Variants in CADPS2 observed in about 807,000 individuals in gnomAD.
CADPS2 encodes calcium-dependent secretion activator 2.
CADPS2 carries 93 observed loss-of-function variants against 172.5 expected under a neutral mutation model. The observed-to-expected ratio is 0.54, with a 90% confidence interval of 0.46 to 0.64. CADPS2 has a LOEUF of 0.64. Ranked by LOEUF, CADPS2 falls within the 30% of genes least tolerant of loss-of-function variation. The pLI, the probability that CADPS2 is intolerant of heterozygous loss-of-function variation, is 0.00. For missense variants in CADPS2, 1,420 were observed against 1,565.9 expected (o/e 0.91, Z 1.57); for synonymous variants, 546 against 555.2 (o/e 0.98, Z 0.23).
At chr7:122,447,409 C>T (rs963059223) in intron 15 of CADPS2, among the ~76,000 whole-genome samples, 6 of 152,008 alleles carry the variant, frequency 3.9e-5, no homozygotes, top group East Asian at 1.9e-4. Context: ...ATTTAATCTA[C>T]GTTGAAGCAT....
chr7:122,473,960 T>C (rs1345514653), intron 13 of CADPS2, among the ~76,000 whole-genome samples: 1 of 152,218 alleles, frequency 6.6e-6, no homozygotes, highest in African/African-American at 2.4e-5. Context: ...CCACTTAGGT[T>C]GTCCTTCTAA....
intron 11 of CADPS2, among the ~76,000 whole-genome samples, chr7:122,486,514 T>C (rs1405621951): frequency 2.0e-5 from 3 of 152,166 alleles, no homozygotes; most frequent in African/African-American, 4.8e-5. Context: ...ATGATAAAAC[T>C]TGAACAGATA....
At chr7:122,733,915 G>C (rs997174776) in intron 2 of CADPS2, among the ~76,000 whole-genome samples, 1 of 152,028 alleles carries the variant, frequency 6.6e-6, no homozygotes, top group Non-Finnish European at 1.5e-5. Flanking sequence ...CACTCTAGTC[G>C]GGGTGACTGA....
chr7:122,332,922 T>C (rs533054872), intron 28 of CADPS2, among the ~76,000 whole-genome samples: 1 of 152,366 alleles, frequency 6.6e-6, no homozygotes, highest in East Asian at 1.9e-4. Context: ...AAGTTTATTC[T>C]GTGGCTCCTT....
intron 6 of CADPS2, among the ~76,000 whole-genome samples, chr7:122,588,470 CTTG>C (rs776903752): frequency 3.9e-5 from 6 of 151,964 alleles, no homozygotes; most frequent in Non-Finnish European, 8.8e-5. Flanking sequence ...TTCCCCATTG[CTTG>C]TTGTCAGGTT....
chr7:122,449,892 A>T (rs1335194578), intron 15 of CADPS2, among the ~76,000 whole-genome samples: 2 of 152,182 alleles, frequency 1.3e-5, no homozygotes, highest in Admixed American at 1.3e-4. Context: ...TTATCATGAC[A>T]ATGAAAATCA....
intron 1 of CADPS2, chr7:122,850,062 G>C: frequency 7.4e-7 from 1 of 1,355,360 alleles, no homozygotes; most frequent in Non-Finnish European, 9.6e-7. Flanking sequence ...AGACCTGGGG[G>C]CCTTGCTTGG....
intron 20 of CADPS2, among the ~76,000 whole-genome samples, chr7:122,406,780 A>G (rs1418985571): frequency 6.6e-6 from 1 of 152,200 alleles, no homozygotes; most frequent in Admixed American, 6.5e-5. Flanking sequence ...GCATCATGAC[A>G]AGAATTTTAT....
intron 25 of CADPS2, among the ~76,000 whole-genome samples, chr7:122,364,988 G>T (rs942484849): frequency 4.6e-5 from 7 of 152,180 alleles, no homozygotes; most frequent in African/African-American, 7.2e-5. Context: ...TCACTTATGA[G>T]TTGGCACAGG....
At chr7:122,656,417 C>A (rs1040576573) in intron 3 of CADPS2, among the ~76,000 whole-genome samples, 1 of 151,972 alleles carries the variant, frequency 6.6e-6, no homozygotes, top group Non-Finnish European at 1.5e-5. Flanking sequence ...GACTCACGTA[C>A]TGAAAAGCAA....
intron 2 of CADPS2, among the ~76,000 whole-genome samples, chr7:122,724,190 A>C (rs935239414): frequency 3.3e-5 from 5 of 152,026 alleles, no homozygotes; most frequent in Admixed American, 3.3e-4. Context: ...TAATTGAAAA[A>C]TTAAAAAATA....
chr7:122,325,276 C>T (rs946317285), intron 29 of CADPS2, among the ~76,000 whole-genome samples: 1 of 152,062 alleles, frequency 6.6e-6, no homozygotes, highest in African/African-American at 2.4e-5. Flanking sequence ...TATTTGCTAG[C>T]AAATTTTTTT....
rs536097833 is a variant in CADPS2, at chr7:122,319,321, T to G, written c.*844A>C. 14 of 152,332 alleles carry G rather than the reference T, an allele frequency of 9.2e-5. No homozygotes were observed. Among genetic ancestry groups the G allele is most frequent in the African/African-American group, 3.4e-4 (14 of 41,580 alleles). The allele number at this position is 152,332 out of a possible 1,614,324, so 9.4% of individuals were successfully genotyped here. A position where few individuals can be genotyped will look rare whatever the true frequency, so the allele number is the denominator to read the frequency against. ...CAAGAAACAAAAACACAGAGTCAGA[T>G]AGTTGGGATGTTTGAAACACTGCAA... On this transcript the variant is annotated 3_prime_UTR_variant, in exon 30 of 30. Transcript: ENST00000449022.
chr7:122,348,894 A>C (rs1236352299), intron 27 of CADPS2, among the ~76,000 whole-genome samples: 1 of 152,188 alleles, frequency 6.6e-6, no homozygotes, highest in East Asian at 1.9e-4. Flanking sequence ...TTCTACATAC[A>C]GTACAAATGT....
chr7:122,639,191 A>T (rs2077357619), intron 3 of CADPS2, among the ~76,000 whole-genome samples: 1 of 152,222 alleles, frequency 6.6e-6, no homozygotes, highest in Non-Finnish European at 1.5e-5. Context: ...GAAGGGGATA[A>T]ATTAGTTGGT....
At chr7:122,830,292 A>T (rs1806158881) in intron 1 of CADPS2, among the ~76,000 whole-genome samples, 1 of 152,156 alleles carries the variant, frequency 6.6e-6, no homozygotes, top group African/African-American at 2.4e-5. Context: ...TAAAACAAGG[A>T]TTCTATTTTA....
intron 1 of CADPS2, among the ~76,000 whole-genome samples, chr7:122,754,929 G>C (rs1282707586): frequency 6.6e-6 from 1 of 152,042 alleles, no homozygotes; most frequent in South Asian, 2.1e-4. Context: ...ATATTCTTAA[G>C]AACATAGGAG....
chr7:122,850,497 G>A (rs6961555), intron 1 of CADPS2: 517 of 221,236 alleles, frequency 2.3e-3, no homozygotes, highest in African/African-American at 0.011. Flanking sequence ...GCAGGGGGGC[G>A]GGGAGCACAT....
intron 7 of CADPS2, among the ~76,000 whole-genome samples, chr7:122,555,626 A>G (rs1563689861): frequency 6.6e-6 from 1 of 152,094 alleles, no homozygotes; most frequent in Non-Finnish European, 1.5e-5. Context: ...GTTCATTAAA[A>G]CTATATTGAA....
Sources: allele counts gnomAD v4.1 joint callset (sites outside exome capture counted in the v4.1 genomes callset), GRCh38; gene constraint gnomAD v4.1.1; transcripts MANE v1.5; gene names NCBI Gene and HGNC (gene_info 2026-07-23, HGNC 2026-07-21).